Variants in ZCWPW2 observed in about 807,000 individuals in gnomAD.
The protein encoded by ZCWPW2 is zinc finger CW-type and PWWP domain containing 2, also known as zinc finger CW-type PWWP domain protein 2.
ZCWPW2 carries 45 observed loss-of-function variants against 46.6 expected under a neutral mutation model. The ratio of observed to expected loss-of-function variants is 0.96; its 90% confidence interval spans 0.76 to 1.24. ZCWPW2 has a LOEUF of 1.24. Among genes scored for constraint, ZCWPW2 ranks in the 50% most tolerant of loss-of-function variants. The pLI is 0.00. For missense variants in ZCWPW2, 429 were observed against 403.9 expected (o/e 1.06, Z -0.53); for synonymous variants, 152 against 137.1 (o/e 1.11, Z -0.76).
At chr3:28,442,773 T>C (rs1187110033) in intron 4 of ZCWPW2, among the ~76,000 whole-genome samples, 3 of 149,990 alleles carry the variant, frequency 2.0e-5, no homozygotes, top group Non-Finnish European at 4.5e-5. Context: ...CTCCAAGATC[T>C]ATCTGTCTTC....
chr3:28,444,491 C>T (rs1301055143), intron 4 of ZCWPW2, among the ~76,000 whole-genome samples: 1 of 152,126 alleles, frequency 6.6e-6, no homozygotes, highest in East Asian at 1.9e-4. Flanking sequence ...GTTTATAAAT[C>T]TAGTGTCCCC....
rs962019347 is a variant in ZCWPW2, at chr3:28,390,613, A to C, written c.-18A>C. 4.6e-5 allele frequency: 45 copies of C among 985,196 alleles called. No individual in the cohort carries two copies. The highest frequency in any genetic ancestry group is 5.3e-5 in the Non-Finnish European group (44 of 829,922). The allele number at this position is 985,196 out of a possible 1,614,324, so 61.0% of individuals were successfully genotyped here. ...TTGCTAGGAACAAAAGAAAAGTCTA[A>C]CTCCGTAAGTACTTGAGAAACTCCA... On this transcript the variant is annotated 5_prime_UTR_variant, in exon 2 of 10. Coordinates refer to ENST00000383768, the MANE Select transcript of ZCWPW2 (RefSeq NM_001040432.4).
intron 2 of ZCWPW2, among the ~76,000 whole-genome samples, chr3:28,402,789 AAG>A (rs1369071111): frequency 6.6e-6 from 1 of 152,242 alleles, no homozygotes; most frequent in African/African-American, 2.4e-5. Flanking sequence ...CAGAATTAAA[AAG>A]AAAAATCACA....
At chr3:28,475,705 C>T (rs1699213880) in intron 4 of ZCWPW2, among the ~76,000 whole-genome samples, 1 of 152,138 alleles carries the variant, frequency 6.6e-6, no homozygotes, top group Non-Finnish European at 1.5e-5. Flanking sequence ...TACTCTCCCA[C>T]ATTAGAGGAT....
Position 28,352,830 on chromosome 3 carries a change from G to C in ZCWPW2, c.-134+3627G>C, listed in dbSNP as rs539399509. ...TATTTTTGGGTATATGGCCTAATGA[G>C]GGAGGGGGCAGAAGGTCCTGTCCAT... On this transcript the variant is annotated intron_variant, in intron 1 of 9. Transcript: ENST00000383768. Among the ~76,000 whole-genome samples, 5 of 152,208 alleles carry C rather than the reference G, an allele frequency of 3.3e-5. 1 individual carries two copies. In the East Asian group the frequency reaches 9.7e-4, roughly 29 times the overall value.
At chr3:28,382,841 T>C (rs1184651994) in intron 1 of ZCWPW2, among the ~76,000 whole-genome samples, 1 of 152,128 alleles carries the variant, frequency 6.6e-6, no homozygotes, top group African/African-American at 2.4e-5. Context: ...GTAAAACAAA[T>C]GTTAGTTTCA....
rs1056192123 is a variant in ZCWPW2, at chr3:28,396,728, C to A, written c.-14+6111C>A. Among the ~76,000 whole-genome samples, 4 of 152,146 alleles carry A rather than the reference C, an allele frequency of 2.6e-5. 1 individual carries two copies. Among genetic ancestry groups the A allele is most frequent in the African/African-American group, 9.7e-5 (4 of 41,422 alleles). On this transcript the variant is annotated intron_variant, in intron 2 of 9. Coordinates refer to ENST00000383768, the MANE Select transcript of ZCWPW2 (RefSeq NM_001040432.4). Reference sequence around the variant, plus strand: ...CGAAAGTATGACAACTTTGGAAGAACAATCATTTTTCTCATTCACATGCAA... The same window carrying A: ...CGAAAGTATGACAACTTTGGAAGAAAAATCATTTTTCTCATTCACATGCAA...
intron 4 of ZCWPW2, chr3:28,447,686 A>T (rs1042728245): frequency 2.3e-6 from 1 of 440,158 alleles, no homozygotes; most frequent in Admixed American, 2.7e-5. Context: ...GAAATAAAAG[A>T]TATCTAGCTT....
chr3:28,370,602 T>G (rs570890645), intron 1 of ZCWPW2, among the ~76,000 whole-genome samples: 1 of 152,324 alleles, frequency 6.6e-6, no homozygotes, highest in African/African-American at 2.4e-5. Flanking sequence ...ATAAGATATC[T>G]AAGGTGGTGT....
At chr3:28,469,315 C>T (rs1335307906) in intron 4 of ZCWPW2, among the ~76,000 whole-genome samples, 1 of 151,966 alleles carries the variant, frequency 6.6e-6, no homozygotes, top group Non-Finnish European at 1.5e-5. Flanking sequence ...AGAAGGAAGA[C>T]TGTAAAACAA....
At chr3:28,367,884 C>A (rs955673403) in intron 1 of ZCWPW2, among the ~76,000 whole-genome samples, 3 of 152,118 alleles carry the variant, frequency 2.0e-5, no homozygotes, top group Admixed American at 2.0e-4. Context: ...GAATTGATCC[C>A]TTTTACCATT....
At chr3:28,440,369 T>C (rs1697702642) in intron 4 of ZCWPW2, among the ~76,000 whole-genome samples, 2 of 152,186 alleles carry the variant, frequency 1.3e-5, no homozygotes, top group African/African-American at 4.8e-5. Flanking sequence ...CAAAACATAA[T>C]GTTGCAGAAA....
intron 4 of ZCWPW2, among the ~76,000 whole-genome samples, chr3:28,466,899 CTTAAA>C (rs1418119470): frequency 1.3e-5 from 2 of 151,972 alleles, no homozygotes; most frequent in African/African-American, 4.8e-5. Context: ...GTCAGTTCTC[CTTAAA>C]TTAATTTAAA....
At chr3:28,468,902 G>A (rs1290605815) in intron 4 of ZCWPW2, among the ~76,000 whole-genome samples, 3 of 152,084 alleles carry the variant, frequency 2.0e-5, no homozygotes, top group Non-Finnish European at 4.4e-5. Flanking sequence ...GCAATAGAAA[G>A]TACACAGAAA....
intron 3 of ZCWPW2, among the ~76,000 whole-genome samples, chr3:28,430,271 A>C (rs904156821): frequency 1.3e-5 from 2 of 152,206 alleles, no homozygotes; most frequent in Admixed American, 6.5e-5. Context: ...TGAGACATGG[A>C]GTCAAAGGAG....
intron 1 of ZCWPW2, among the ~76,000 whole-genome samples, chr3:28,361,531 A>C (rs906507887): frequency 6.6e-6 from 1 of 152,184 alleles, no homozygotes; most frequent in Non-Finnish European, 1.5e-5. Flanking sequence ...AAAAATAAAC[A>C]AGTGGGACTA....
intron 6 of ZCWPW2, among the ~76,000 whole-genome samples, chr3:28,503,343 G>C (rs980019887): frequency 6.6e-6 from 1 of 152,032 alleles, no homozygotes; most frequent in Non-Finnish European, 1.5e-5. Flanking sequence ...AATGCATTTT[G>C]CTGATTATAT....
At position 28,521,004 on chromosome 3, in the gene ZCWPW2, CG is replaced by C. The variant is rs752662136; in HGVS notation, c.799del (p.Glu267LysfsTer4). 3 of 1,613,120 alleles carry C rather than the reference CG, an allele frequency of 1.9e-6. No homozygotes were observed. In the African/African-American group the frequency reaches 4.0e-5, roughly 22 times the overall value. ...CCTGTTTTTTTAGTTGTCTGTGAGA[CG>C]GAAGTTTTACTAAAAGAGCTGGAGC... is the stretch of plus-strand genomic sequence containing the variant. Reference protein sequence around the residue: ...LSKENRVVCETEVLLKELEQM... With the variant: ...LSKENRVVCEXEVLLKELEQM... On this transcript the variant is annotated frameshift_variant, in exon 9 of 10. Coordinates refer to ENST00000383768, the MANE Select transcript of ZCWPW2 (RefSeq NM_001040432.4). LOFTEE classifies it high-confidence loss of function.
intron 4 of ZCWPW2, among the ~76,000 whole-genome samples, chr3:28,442,868 G>A (rs62250271): frequency 0.28 from 43,019 of 152,060 alleles, 6,304 homozygotes; most frequent in Middle Eastern, 0.33. Flanking sequence ...GGTGGCACTA[G>A]TCTCCACAGT....
Sources: gnomAD v4.1 joint callset for allele counts (sites outside exome capture counted in the v4.1 genomes callset) on GRCh38, gnomAD v4.1.1 for gene constraint, MANE v1.5 for transcripts, NCBI Gene and HGNC (gene_info 2026-07-23, HGNC 2026-07-21) for gene names.